Variants in SCN9A observed in about 807,000 individuals in gnomAD.
The protein encoded by SCN9A is sodium channel protein type 9 subunit alpha.
Under a neutral mutation model 187.0 loss-of-function variants are expected in SCN9A, and 131 were observed. The observed-to-expected ratio is 0.70, with a 90% CI of 0.61 to 0.81. SCN9A has a LOEUF of 0.81. SCN9A is among the 30% of genes least tolerant of loss of function. SCN9A has a pLI of 0.00. For synonymous variants in SCN9A, 809 were observed against 808.6 expected (o/e 1.00, Z -0.01); for missense variants, 2,252 against 2,396.6 (o/e 0.94, Z 1.26).
intron 17 of SCN9A, 74 bp downstream of exon 17, chr2:166,272,325 A>G (rs1697026645): frequency 8.0e-6 from 8 of 1,004,522 alleles, no homozygotes; most frequent in South Asian, 1.9e-5. Context: ...ACTTATGACA[A>G]TAGAAATATG....
chr2:166,222,959 A>AAAAAAAAAAAAAAAAAAC (rs1558960927), intron 24 of SCN9A, among the ~76,000 whole-genome samples: 3 of 146,912 alleles, frequency 2.0e-5, no homozygotes, highest in Non-Finnish European at 3.0e-5. Flanking sequence ...AAAAAAAAAA[A>AAAAAAAAAAAAAAAAAAC]AAAAAAAAAA....
At chr2:166,204,572 T>C in intron 24 of SCN9A, 108 bp from the exon 25 acceptor site, 7 of 602,426 alleles carry the variant, frequency 1.2e-5, no homozygotes, top group Non-Finnish European at 1.6e-5. Flanking sequence ...AAATAAAATG[T>C]ATTTTATTAT....
chr2:166,302,971 C>T (rs1698621727), intron 7 of SCN9A, 119 bp downstream of exon 7: 4 of 819,974 alleles, frequency 4.9e-6, no homozygotes, highest in Middle Eastern at 3.5e-4. Context: ...ACTGTAGCAG[C>T]TTTCTATATA....
At chr2:166,366,152 G>A (rs769774967) in intron 1 of SCN9A, among the ~76,000 whole-genome samples, 2 of 152,106 alleles carry the variant, frequency 1.3e-5, no homozygotes, top group Non-Finnish European at 2.9e-5. Flanking sequence ...CATTTTGGAG[G>A]CCAACTAGAC....
chr2:166,199,121 C>G lies in SCN9A; in HGVS notation c.5518G>C (p.Asp1840His). Reference sequence around the variant, plus strand: ...CGCTTTGTAAAAGCAAATAAGATGTCAAGACAATGGATCCGGTCACCACTA... The same window carrying G: ...CGCTTTGTAAAAGCAAATAAGATGTGAAGACAATGGATCCGGTCACCACTA... Reference protein sequence around the residue: ...MVSGDRIHCLDILFAFTKRVL... With the variant: ...MVSGDRIHCLHILFAFTKRVL... Residue 1840 changes from aspartate to histidine, a missense_variant, in exon 27 of 27, where the codon GAC (aspartate) becomes CAC (histidine). By Grantham distance (81) the Asp-to-His change is moderately conservative. Coordinates refer to ENST00000642356, the MANE Select transcript of SCN9A (RefSeq NM_001365536.1). The G allele has an allele frequency of 6.2e-7, 1 of 1,614,168 alleles. No individual in the cohort carries two copies. The highest frequency in any genetic ancestry group is 8.5e-7 in the Non-Finnish European group (1 of 1,180,034).
chr2:166,217,992 G>A (rs946054837), intron 24 of SCN9A, among the ~76,000 whole-genome samples: 1 of 151,916 alleles, frequency 6.6e-6, no homozygotes, highest in Non-Finnish European at 1.5e-5. Flanking sequence ...TGTAATTGCA[G>A]TTTTTACCAT....
intron 7 of SCN9A, among the ~76,000 whole-genome samples, chr2:166,294,916 G>C (rs976099579): frequency 1.3e-5 from 2 of 152,158 alleles, no homozygotes; most frequent in African/African-American, 4.8e-5. Flanking sequence ...CCTCCTTTAT[G>C]TTTAGGTGAG....
chr2:166,237,714 C>T (rs1695380491), intron 20 of SCN9A, among the ~76,000 whole-genome samples: 1 of 152,118 alleles, frequency 6.6e-6, no homozygotes, highest in Non-Finnish European at 1.5e-5. Context: ...GAATAATCAT[C>T]ATTTCCTCTC....
chr2:166,222,833 A>C (rs1307383844), intron 24 of SCN9A, among the ~76,000 whole-genome samples: 1 of 143,820 alleles, frequency 7.0e-6, no homozygotes, highest in African/African-American at 2.7e-5. Context: ...CGGGAGGCTG[A>C]GGCAGGAGAA....
chr2:166,247,653 A>ACCAC (rs1695853884), intron 18 of SCN9A, among the ~76,000 whole-genome samples: 7 of 152,072 alleles, frequency 4.6e-5, no homozygotes, highest in Admixed American at 3.3e-4. Context: ...AGTAGCTGGG[A>ACCAC]CTACAGGCGC....
chr2:166,198,575 G>T lies in SCN9A; in HGVS notation c.*97C>A. 1 of 932,616 alleles carries T rather than the reference G, an allele frequency of 1.1e-6. No individual in the cohort carries two copies. Among genetic ancestry groups the T allele is most frequent in the Non-Finnish European group, 1.6e-6 (1 of 636,238 alleles). The allele number at this position is 932,616 out of a possible 1,614,324, so 57.8% of individuals were successfully genotyped here. A position where few individuals can be genotyped will look rare whatever the true frequency, so the allele number is the denominator to read the frequency against. On this transcript the variant is annotated 3_prime_UTR_variant, in exon 27 of 27. Transcript: ENST00000642356. ...ACTGCACTGCCTTCGAGAATATTTT[G>T]ATAAAAAGGATTTTGGCATAGACTT...
At chr2:166,340,485 C>CT (rs200296022) in intron 1 of SCN9A, among the ~76,000 whole-genome samples, 1 of 150,820 alleles carries the variant, frequency 6.6e-6, no homozygotes, top group Admixed American at 6.6e-5. Flanking sequence ...CTTTCTCTTT[C>CT]TTTTTTTCTT....
chr2:166,352,900 G>T (rs1215034956), intron 1 of SCN9A, among the ~76,000 whole-genome samples: 1 of 152,058 alleles, frequency 6.6e-6, no homozygotes, highest in African/African-American at 2.4e-5. Context: ...AGTGAGATGT[G>T]CCTTGTTAGT....
In SCN9A at chr2:166,284,816, G is replaced by A. The variant is rs773471934; in HGVS notation, c.1611C>T (p.Leu537=). The A allele has an allele frequency of 6.2e-6, 10 of 1,607,354 alleles. No homozygotes were observed. The Admixed American group carries it at 1.7e-4, about 27-fold the overall frequency. ...CAGAAAACAAGGAGCCACGAATGCTGAGTGGTGACTGCAGAAAAATTAAAA... is the reference window on the plus strand; with the variant it reads ...CAGAAAACAAGGAGCCACGAATGCTAAGTGGTGACTGCAGAAAAATTAAAA... ...KRLSTPNQSP[L]SIRGSLFSAR... is the part of the protein sequence containing the mutation. The change falls in exon 12 of 27, where the codon CTC becomes CTT. Residue 537 remains leucine, a synonymous_variant. Coordinates refer to ENST00000642356, the MANE Select transcript of SCN9A (RefSeq NM_001365536.1).
intron 1 of SCN9A, among the ~76,000 whole-genome samples, chr2:166,312,816 CT>C (rs35595054): frequency 3.7e-4 from 54 of 145,940 alleles, no homozygotes; most frequent in African/African-American, 6.8e-4. Flanking sequence ...TGAAAGAAAT[CT>C]TTTTTTTTTT....
chr2:166,247,869 T>A (rs1695863889), intron 18 of SCN9A, among the ~76,000 whole-genome samples: 1 of 152,144 alleles, frequency 6.6e-6, no homozygotes, highest in Admixed American at 6.6e-5. Flanking sequence ...ATGTTCATAA[T>A]TATATAGGTT....
intron 17 of SCN9A, among the ~76,000 whole-genome samples, chr2:166,256,902 T>C (rs1230174271): frequency 1.3e-5 from 2 of 151,498 alleles, no homozygotes; most frequent in African/African-American, 2.4e-5. Context: ...TCCAATAACA[T>C]GAAAACTTAC....
Position 166,284,812 on chromosome 2 carries a change from T to C in SCN9A, c.1615A>G (p.Ile539Val). Residue 539 changes from isoleucine (I) to valine (V), a missense_variant, in exon 12 of 27, where the codon ATT (isoleucine) becomes GTT (valine). By Grantham distance (29) the Ile-to-Val change is conservative. Coordinates refer to ENST00000642356, the MANE Select transcript of SCN9A (RefSeq NM_001365536.1). ...CTTGCAGAAAACAAGGAGCCACGAA[T>C]GCTGAGTGGTGACTGCAGAAAAATT... is the stretch of plus-strand genomic sequence containing the variant. ...LSTPNQSPLS[I>V]RGSLFSARRS... The C allele has an allele frequency of 6.2e-7, 1 of 1,609,248 alleles. No homozygotes were observed. Among genetic ancestry groups the C allele is most frequent in the Non-Finnish European group, 8.5e-7 (1 of 1,178,628 alleles).
intron 17 of SCN9A, among the ~76,000 whole-genome samples, chr2:166,271,952 T>C (rs1697012057): frequency 1.3e-5 from 2 of 152,028 alleles, no homozygotes; most frequent in Admixed American, 1.3e-4. Flanking sequence ...TGAATCTGCA[T>C]GAGCGAAAAT....
Sources: gnomAD v4.1 joint callset for allele counts (sites outside exome capture counted in the v4.1 genomes callset) on GRCh38, gnomAD v4.1.1 for gene constraint, MANE v1.5 for transcripts, NCBI Gene and HGNC (gene_info 2026-07-23, HGNC 2026-07-21) for gene names.